Variants in RBFOX1 observed in about 807,000 individuals in gnomAD.
RBFOX1 encodes the protein RNA binding protein fox-1 homolog 1.
RBFOX1 carries 8 observed loss-of-function variants against 57.7 expected under a neutral mutation model. The ratio of observed to expected loss-of-function variants is 0.14; its 90% CI spans 0.08 to 0.25. The LOEUF (loss-of-function observed/expected upper bound fraction) is 0.25, where lower values mean the gene tolerates loss of function less well. RBFOX1 is among the 10% of genes least tolerant of loss of function. The pLI, the probability that RBFOX1 is intolerant of heterozygous loss-of-function variation, is 1.00. For missense variants in RBFOX1, 611 were observed against 548.5 expected (o/e 1.11, Z -1.14); for synonymous variants, 326 against 222.4 (o/e 1.47, Z -4.15).
intron 3 of RBFOX1, among the ~76,000 whole-genome samples, chr16:7,013,149 C>G (rs1424318632): frequency 6.6e-6 from 1 of 152,136 alleles, no homozygotes; most frequent in Non-Finnish European, 1.5e-5. Flanking sequence ...ATTTCACATA[C>G]AAATTTGTGG....
At chr16:6,907,754 A>G (rs959260503) in intron 3 of RBFOX1, among the ~76,000 whole-genome samples, 56 of 145,834 alleles carry the variant, frequency 3.8e-4, no homozygotes, top group African/African-American at 1.3e-3. Flanking sequence ...TGCATTTTTT[A>G]GTAGAGATAG....
rs76070210 is a variant in RBFOX1, at chr16:5,637,112, C to A, written c.318+38151C>A. Among the ~76,000 whole-genome samples the A allele has an allele frequency of 7.0e-3, 1,059 of 152,300 alleles. 21 individuals carry two copies. Among genetic ancestry groups the A allele is most frequent in the African/African-American group, 0.025 (1,029 of 41,546 alleles). ...CATCATTAGCAGTTTCTGAGCTTGT[C>A]TACAACTAATTTCACAGTGAATCTT... On this transcript the variant is annotated intron_variant, in intron 3 of 19. Transcript: ENST00000641259.
chr16:7,087,286 G>A (rs944005006), intron 4 of RBFOX1, among the ~76,000 whole-genome samples: 1 of 152,148 alleles, frequency 6.6e-6, no homozygotes, highest in African/African-American at 2.4e-5. Flanking sequence ...GCCTCAAGAG[G>A]ATCGGCCGCC....
chr16:6,406,682 A>G (rs994745094), intron 2 of RBFOX1, among the ~76,000 whole-genome samples: 3 of 151,340 alleles, frequency 2.0e-5, no homozygotes, highest in African/African-American at 2.4e-5. Context: ...CAATTTTTGG[A>G]TAAGTCTGAA....
chr16:6,120,106 C>T (rs756079984), intron 1 of RBFOX1, among the ~76,000 whole-genome samples: 12 of 149,652 alleles, frequency 8.0e-5, no homozygotes, highest in Non-Finnish European at 1.3e-4. Context: ...CATGTGGTAG[C>T]ACACATCAGT....
At chr16:5,320,800 C>G (rs373700702) in intron 1 of RBFOX1, among the ~76,000 whole-genome samples, 1 of 152,136 alleles carries the variant, frequency 6.6e-6, no homozygotes, top group Non-Finnish European at 1.5e-5. Flanking sequence ...GTAGAGAGAG[C>G]TGGGGGCTCC....
chr16:7,172,334 C>G (rs1032970842), intron 4 of RBFOX1, among the ~76,000 whole-genome samples: 5 of 152,094 alleles, frequency 3.3e-5, no homozygotes, highest in Admixed American at 6.5e-5. Context: ...TCCTCAGTAC[C>G]CTACACATCT....
intron 2 of RBFOX1, among the ~76,000 whole-genome samples, chr16:6,319,887 A>G (rs1479935195): frequency 6.6e-6 from 1 of 152,164 alleles, no homozygotes; most frequent in Non-Finnish European, 1.5e-5. Context: ...GGCATGCTGC[A>G]TCATGTTTAT....
At chr16:7,484,003 C>G (rs545498651) in intron 4 of RBFOX1, among the ~76,000 whole-genome samples, 26 of 152,012 alleles carry the variant, frequency 1.7e-4, no homozygotes, top group East Asian at 5.8e-4. Context: ...TCTATTCTGC[C>G]CCCCCATTCC....
At chr16:7,324,633 AG>A (rs546713603) in intron 4 of RBFOX1, among the ~76,000 whole-genome samples, 8 of 152,302 alleles carry the variant, frequency 5.3e-5, no homozygotes, top group African/African-American at 1.9e-4. Context: ...TGGCTTTCAG[AG>A]GAGAATCAGG....
intron 2 of RBFOX1, among the ~76,000 whole-genome samples, chr16:6,574,664 G>A (rs1387453790): frequency 7.0e-6 from 1 of 143,850 alleles, no homozygotes; most frequent in Non-Finnish European, 1.5e-5. Flanking sequence ...TCCTGACCTC[G>A]TGATCCGCCC....
At chr16:7,691,410 G>A in intron 14 of RBFOX1, among the ~76,000 whole-genome samples, 1 of 151,506 alleles carries the variant, frequency 6.6e-6, no homozygotes, top group East Asian at 1.9e-4. Flanking sequence ...AAGGGAAAAT[G>A]AAAGGAGAGA....
At chr16:7,192,110 AAAG>A (rs771284256) in intron 4 of RBFOX1, among the ~76,000 whole-genome samples, 3 of 152,216 alleles carry the variant, frequency 2.0e-5, no homozygotes, top group Non-Finnish European at 4.4e-5. Flanking sequence ...GGGGATAAAA[AAAG>A]AAGCAAAAAA....
intron 1 of RBFOX1, among the ~76,000 whole-genome samples, chr16:5,304,156 A>G (rs960585991): frequency 3.3e-5 from 5 of 152,206 alleles, no homozygotes; most frequent in African/African-American, 4.8e-5. Context: ...TAGGCTACCA[A>G]GGAAGGCTTC....
At chr16:6,135,865 G>C (rs1418776725) in intron 1 of RBFOX1, among the ~76,000 whole-genome samples, 1 of 137,660 alleles carries the variant, frequency 7.3e-6, no homozygotes, top group Non-Finnish European at 1.5e-5. Flanking sequence ...CACGATCTCA[G>C]CTCACTGTAC....
At chr16:7,696,190 TC>T (rs1434328817) in intron 14 of RBFOX1, among the ~76,000 whole-genome samples, 1 of 152,214 alleles carries the variant, frequency 6.6e-6, no homozygotes, top group African/African-American at 2.4e-5. Context: ...CCTAGGAGTT[TC>T]AACAATGCTA....
Position 7,607,411 on chromosome 16 carries a change from G to C in RBFOX1, c.676+73G>C, listed in dbSNP as rs966479651. 3.6e-6 allele frequency: 5 copies of C among 1,398,534 alleles called. No homozygotes were observed. In the African/African-American group the frequency reaches 4.3e-5, roughly 12 times the overall value. 86.6% of individuals were successfully genotyped at this position (1,398,534 alleles called of 1,614,324 possible). A position where few individuals can be genotyped will look rare whatever the true frequency, so the allele number is the denominator to read the frequency against. On this transcript the variant is annotated intron_variant, in intron 10 of 15. Transcript: ENST00000550418. The stretch of plus-strand genomic sequence containing the variant: ...TGCTTTGCCTGCCAAGAATGAATGA[G>C]TTTTGTAAAATAACCTGAAGCAAGT...
chr16:7,685,403 G>A lies in RBFOX1; in HGVS notation c.995+8565G>A, dbSNP rs533959271. On this transcript the variant is annotated intron_variant, in intron 14 of 15. Coordinates refer to ENST00000550418, the MANE Select transcript of RBFOX1 (RefSeq NM_018723.4). ...TAATTCTTTACCCCAAAAGATCCGT[G>A]GACGGAAACAGTTATTTATGCTAAC... is the stretch of plus-strand genomic sequence containing the variant. 5.9e-5 allele frequency among the ~76,000 whole-genome samples: 9 copies of A among 152,134 alleles called. No individual in the cohort carries two copies. In the East Asian group the frequency reaches 1.5e-3, roughly 26 times the overall value.
intron 2 of RBFOX1, among the ~76,000 whole-genome samples, chr16:5,573,855 G>T (rs957666293): frequency 6.6e-6 from 1 of 152,156 alleles, no homozygotes; most frequent in African/African-American, 2.4e-5. Flanking sequence ...TTGGGAGGCT[G>T]ATGTGTGAGG....
Sources: allele counts gnomAD v4.1 joint callset (sites outside exome capture counted in the v4.1 genomes callset), GRCh38; gene constraint gnomAD v4.1.1; transcripts MANE v1.5; gene names NCBI Gene and HGNC (gene_info 2026-07-23, HGNC 2026-07-21).